PCDH7: variants seen among roughly 807,000 people sequenced by gnomAD.
The protein encoded by PCDH7 is protocadherin 7, also known as protocadherin-7.
PCDH7 carries 17 observed loss-of-function variants against 58.9 expected under a neutral mutation model. That is an observed-to-expected ratio of 0.29 (90% CI 0.20 to 0.43). The LOEUF is 0.43. PCDH7 is among the 20% of genes least tolerant of loss of function. The pLI is 1.00. For synonymous variants in PCDH7, 664 were observed against 616.4 expected (o/e 1.08, Z -1.14); for missense variants, 1,274 against 1,441.0 (o/e 0.88, Z 1.88).
intron 3 of PCDH7, among the ~76,000 whole-genome samples, chr4:31,079,779 G>A (rs73218821): frequency 0.07 from 10,707 of 151,892 alleles, 539 homozygotes; most frequent in Middle Eastern, 0.12. Context: ...CAGCCCAAAT[G>A]TCCATTACCA....
At chr4:30,983,598 T>C (rs1369092478) in intron 3 of PCDH7, among the ~76,000 whole-genome samples, 1 of 152,228 alleles carries the variant, frequency 6.6e-6, no homozygotes, top group African/African-American at 2.4e-5. Context: ...TTATTTCAAA[T>C]AGTGTTGGAG....
intron 3 of PCDH7, among the ~76,000 whole-genome samples, chr4:31,087,041 G>A (rs1292747966): frequency 6.6e-6 from 1 of 152,182 alleles, no homozygotes; most frequent in African/African-American, 2.4e-5. Context: ...TTGCAGAAAG[G>A]TGAAGTGAGA....
At chr4:30,796,220 T>G (rs2109302482) in intron 1 of PCDH7, among the ~76,000 whole-genome samples, 1 of 152,358 alleles carries the variant, frequency 6.6e-6, no homozygotes, top group Admixed American at 6.5e-5. Context: ...GCAGTTTTTC[T>G]TATTAACTGG....
At position 30,922,126 on chromosome 4, in the gene PCDH7, A is replaced by G. The variant is rs186410496; in HGVS notation, c.287+1757A>G. On this transcript the variant is annotated intron_variant, in intron 2 of 3. Transcript: ENST00000509759. ...ACATATGTGTAACGTGTAATTACGT[A>G]TGTGTGATATATGTAATATATAATA... Among the ~76,000 whole-genome samples the G allele has an allele frequency of 2.9e-3, 438 of 151,586 alleles. 1 individual carries two copies. The highest frequency in any genetic ancestry group is 4.2e-3 in the Non-Finnish European group (284 of 67,796).
chr4:30,806,456 C>T (rs1277237954), intron 1 of PCDH7, among the ~76,000 whole-genome samples: 1 of 151,954 alleles, frequency 6.6e-6, no homozygotes, highest in African/African-American at 2.4e-5. Flanking sequence ...GTGCATGCCA[C>T]CATGCCTGGC....
chr4:30,916,882 T>G (rs1213760078), intron 1 of PCDH7, among the ~76,000 whole-genome samples: 1 of 152,194 alleles, frequency 6.6e-6, no homozygotes, highest in African/African-American at 2.4e-5. Flanking sequence ...TGAATGCTGA[T>G]TCACTGGGTT....
At chr4:30,742,577 A>G (rs1717220852) in intron 1 of PCDH7, among the ~76,000 whole-genome samples, 1 of 152,196 alleles carries the variant, frequency 6.6e-6, no homozygotes, top group African/African-American at 2.4e-5. Context: ...AAAGAAAATG[A>G]GAGTGATTTG....
chr4:31,042,936 G>A (rs1461976041), intron 3 of PCDH7, among the ~76,000 whole-genome samples: 2 of 152,074 alleles, frequency 1.3e-5, no homozygotes, highest in Non-Finnish European at 2.9e-5. Flanking sequence ...CCTTTTGCTG[G>A]TGCAGAGTCC....
chr4:30,989,674 C>T (rs2109121583), intron 3 of PCDH7, among the ~76,000 whole-genome samples: 1 of 152,250 alleles, frequency 6.6e-6, no homozygotes, highest in Admixed American at 6.5e-5. Flanking sequence ...ACTGGTCTAA[C>T]ACTCAATGAG....
intron 3 of PCDH7, among the ~76,000 whole-genome samples, chr4:31,141,930 T>C (rs547933668): frequency 5.0e-4 from 76 of 152,310 alleles, no homozygotes; most frequent in African/African-American, 1.8e-3. Context: ...TAATGTGCTG[T>C]CAATTTAGGT....
rs548075956 is a variant in PCDH7, at chr4:31,106,562, G to T, written c.*8-35911G>T. On this transcript the variant is annotated intron_variant, in intron 3 of 3. Coordinates refer to the PCDH7 transcript ENST00000509759. ...GATGGAAGAGCCACTTCCTGATTGG[G>T]TTCTGGGCTAAAAGTGGATCTGCCT... Among the ~76,000 whole-genome samples the T allele has an allele frequency of 1.3e-4, 20 of 152,326 alleles. No individual in the cohort carries two copies. In the East Asian group the frequency reaches 2.1e-3, roughly 16 times the overall value.
chr4:31,039,056 T>C (rs561988070), intron 3 of PCDH7, among the ~76,000 whole-genome samples: 1 of 152,252 alleles, frequency 6.6e-6, no homozygotes, highest in Non-Finnish European at 1.5e-5. Flanking sequence ...CTATTATTAA[T>C]AGTATTACTC....
chr4:30,729,210 T>C (rs1715110970), intron 1 of PCDH7, among the ~76,000 whole-genome samples: 1 of 151,956 alleles, frequency 6.6e-6, no homozygotes, highest in African/African-American at 2.4e-5. Flanking sequence ...CTTATTTATC[T>C]GATCATACTA....
intron 3 of PCDH7, among the ~76,000 whole-genome samples, chr4:31,094,842 A>G (rs1156761229): frequency 6.6e-6 from 1 of 150,498 alleles, no homozygotes; most frequent in Admixed American, 6.6e-5. Flanking sequence ...TCGTATTACC[A>G]ACAACATGAT....
intron 1 of PCDH7, among the ~76,000 whole-genome samples, chr4:30,867,208 C>A (rs1024646816): frequency 6.6e-6 from 1 of 151,936 alleles, no homozygotes; most frequent in Non-Finnish European, 1.5e-5. Context: ...CTGGTTTGAA[C>A]TTTTAGTTCT....
intron 3 of PCDH7, among the ~76,000 whole-genome samples, chr4:30,980,674 G>C (rs1459110085): frequency 6.6e-6 from 1 of 151,838 alleles, no homozygotes; most frequent in African/African-American, 2.4e-5. Context: ...AAAATCAAAG[G>C]CCTCTAATAT....
At chr4:30,866,807 A>G (rs1233390320) in intron 1 of PCDH7, among the ~76,000 whole-genome samples, 6 of 152,126 alleles carry the variant, frequency 3.9e-5, no homozygotes, top group Non-Finnish European at 7.3e-5. Flanking sequence ...CAGGACTTGC[A>G]AAGGAAAGAT....
chr4:30,771,270 T>A (rs1721361988), intron 1 of PCDH7, among the ~76,000 whole-genome samples: 1 of 152,222 alleles, frequency 6.6e-6, no homozygotes, highest in South Asian at 2.1e-4. Context: ...GACAAATGAC[T>A]GTTGTTAAAT....
chr4:30,829,421 G>A (rs1387902300), intron 1 of PCDH7, among the ~76,000 whole-genome samples: 1 of 152,036 alleles, frequency 6.6e-6, no homozygotes, highest in Non-Finnish European at 1.5e-5. Flanking sequence ...ATATCATTCA[G>A]CAGAGAAGAA....
Sources: gnomAD v4.1 joint callset for allele counts (sites outside exome capture counted in the v4.1 genomes callset) on GRCh38, gnomAD v4.1.1 for gene constraint, MANE v1.5 for transcripts, NCBI Gene and HGNC (gene_info 2026-07-23, HGNC 2026-07-21) for gene names.